DCC: variants seen among roughly 807,000 people sequenced by gnomAD.
DCC encodes the protein DCC netrin 1 receptor, also known as netrin receptor DCC.
A neutral mutation model predicts 172.5 loss-of-function variants in DCC; 58 were observed. That is an observed-to-expected ratio of 0.34 (90% confidence interval 0.27 to 0.42). DCC has a LOEUF of 0.42. Ranked by LOEUF, DCC falls within the 10% of genes least tolerant of loss-of-function variation. DCC has a pLI of 1.00. For synonymous variants in DCC, 709 were observed against 644.5 expected, an observed-to-expected ratio of 1.10 and a Z score of -1.52; for missense variants, 1,740 against 1,791.0, an observed-to-expected ratio of 0.97 and a Z score of 0.51.
At chr18:52,550,123 T>A (rs1477661393) in intron 1 of DCC, among the ~76,000 whole-genome samples, 1 of 152,006 alleles carries the variant, frequency 6.6e-6, no homozygotes, top group Non-Finnish European at 1.5e-5. Context: ...ACACTTTACC[T>A]CTGTGTTCTT....
chr18:52,642,348 G>A (rs1007442158), intron 1 of DCC, among the ~76,000 whole-genome samples: 1 of 151,900 alleles, frequency 6.6e-6, no homozygotes, highest in African/African-American at 2.4e-5. Flanking sequence ...GCAAGGGATA[G>A]AAGACTAAAA....
intron 2 of DCC, among the ~76,000 whole-genome samples, chr18:52,783,842 G>C (rs1401970426): frequency 6.6e-6 from 1 of 151,754 alleles, no homozygotes; most frequent in Non-Finnish European, 1.5e-5. Context: ...ATATTTATGG[G>C]GTACATATCA....
chr18:52,943,750 G>GTTTGT (rs1462998566), intron 5 of DCC, among the ~76,000 whole-genome samples: 9 of 141,780 alleles, frequency 6.3e-5, no homozygotes, highest in Admixed American at 7.2e-5. Context: ...TTTTTTTTTT[G>GTTTGT]TTTGTTTTGT....
chr18:52,736,482 T>A (rs2036731811), intron 1 of DCC, among the ~76,000 whole-genome samples: 1 of 152,110 alleles, frequency 6.6e-6, no homozygotes. Flanking sequence ...ATGTCTACAT[T>A]ATTCATTCCT....
chr18:53,059,122 A>G (rs750290779), intron 5 of DCC, among the ~76,000 whole-genome samples: 6 of 152,120 alleles, frequency 3.9e-5, no homozygotes, highest in South Asian at 2.1e-4. Flanking sequence ...AAAGCCTCTT[A>G]TAAAACCATC....
intron 8 of DCC, among the ~76,000 whole-genome samples, chr18:53,159,289 A>C (rs2054797754): frequency 6.6e-6 from 1 of 152,084 alleles, no homozygotes; most frequent in African/African-American, 2.4e-5. Context: ...TTCTTTTCTT[A>C]GTTTATGTTA....
intron 12 of DCC, among the ~76,000 whole-genome samples, chr18:53,258,322 A>G (rs546305329): frequency 1.3e-5 from 2 of 150,538 alleles, no homozygotes; most frequent in Admixed American, 1.3e-4. Flanking sequence ...AATTTTAGAT[A>G]TTTTCTGCTT....
chr18:53,508,937 C>T (rs1453830808), intron 27 of DCC, among the ~76,000 whole-genome samples: 1 of 152,230 alleles, frequency 6.6e-6, no homozygotes, highest in African/African-American at 2.4e-5. Flanking sequence ...GATCCCACCA[C>T]ATTACAATAG....
intron 1 of DCC, among the ~76,000 whole-genome samples, chr18:52,649,973 A>ATTTTTTTTTTTTTTTTTTTTTTT (rs71175512): frequency 9.4e-6 from 1 of 106,928 alleles, no homozygotes; most frequent in Non-Finnish European, 1.8e-5. Context: ...TGATAGTTCT[A>ATTTTTTTTTTTTTTTTTTTTTTT]TTTTTTTTTT....
chr18:52,484,676 A>C (rs1397456715), intron 1 of DCC, among the ~76,000 whole-genome samples: 1 of 152,066 alleles, frequency 6.6e-6, no homozygotes, highest in Non-Finnish European at 1.5e-5. Context: ...CTTCTATAGA[A>C]GTGCCCAAAC....
At chr18:52,524,915 A>G (rs890425803) in intron 1 of DCC, among the ~76,000 whole-genome samples, 2 of 152,236 alleles carry the variant, frequency 1.3e-5, no homozygotes, top group Admixed American at 6.5e-5. Flanking sequence ...TGGTCATAGA[A>G]GGAATACAAT....
intron 22 of DCC, among the ~76,000 whole-genome samples, chr18:53,436,020 T>C (rs1418250840): frequency 1.3e-5 from 2 of 152,240 alleles, no homozygotes; most frequent in Non-Finnish European, 2.9e-5. Context: ...TGAACACTTG[T>C]ATACCCATCA....
At chr18:52,555,860 T>C (rs1489709488) in intron 1 of DCC, among the ~76,000 whole-genome samples, 4 of 152,162 alleles carry the variant, frequency 2.6e-5, no homozygotes, top group Admixed American at 2.6e-4. Context: ...AAATCATTTA[T>C]TCCTCTTCAA....
At chr18:52,624,453 G>T (rs1247427942) in intron 1 of DCC, among the ~76,000 whole-genome samples, 1 of 152,116 alleles carries the variant, frequency 6.6e-6, no homozygotes, top group Non-Finnish European at 1.5e-5. Flanking sequence ...TATCAGCTGG[G>T]AGTTTATTTT....
At chr18:53,478,370 C>T (rs190052457) in intron 25 of DCC, among the ~76,000 whole-genome samples, 175 of 152,202 alleles carry the variant, frequency 1.1e-3, no homozygotes, top group Non-Finnish European at 2.0e-3. Context: ...TCGGATGTAA[C>T]TATTTGGCCA....
intron 7 of DCC, among the ~76,000 whole-genome samples, chr18:53,068,092 A>G (rs1417452223): frequency 6.6e-6 from 1 of 152,172 alleles, no homozygotes; most frequent in African/African-American, 2.4e-5. Flanking sequence ...GCTCAAGATC[A>G]CCAGTTTCTC....
chr18:53,395,934 C>T lies in DCC; in HGVS notation c.2689-1374C>T, dbSNP rs531354201. On this transcript the variant is annotated intron_variant, in intron 17 of 28. Coordinates refer to ENST00000442544, the MANE Select transcript of DCC (RefSeq NM_005215.4). ...CTGGGATTACAGGCGTGAGCCACAG[C>T]GCCAACCTACAATTATTTTTAAGAA... 5.9e-4 allele frequency among the ~76,000 whole-genome samples: 90 copies of T among 152,214 alleles called. 1 individual carries two copies. Among genetic ancestry groups the T allele is most frequent in the African/African-American group, 2.0e-3 (85 of 41,548 alleles).
intron 14 of DCC, among the ~76,000 whole-genome samples, chr18:53,323,126 A>T (rs1455739532): frequency 1.3e-5 from 2 of 152,002 alleles, no homozygotes; most frequent in Non-Finnish European, 2.9e-5. Flanking sequence ...AAAACTCTAT[A>T]TTCCTTTCTT....
At chr18:52,670,884 A>G (rs1220104240) in intron 1 of DCC, among the ~76,000 whole-genome samples, 3 of 152,072 alleles carry the variant, frequency 2.0e-5, no homozygotes, top group Admixed American at 1.3e-4. Flanking sequence ...GCTGTAGACT[A>G]TTTTTCTCTC....
Sources: gnomAD v4.1 joint callset for allele counts (sites outside exome capture counted in the v4.1 genomes callset) on GRCh38, gnomAD v4.1.1 for gene constraint, MANE v1.5 for transcripts, NCBI Gene and HGNC (gene_info 2026-07-23, HGNC 2026-07-21) for gene names.